Variants in MAPK15 observed in about 807,000 individuals in gnomAD.
The protein encoded by MAPK15 is ERK-7.
MAPK15 carries 61 observed loss-of-function variants against 60.8 expected under a neutral mutation model. The observed-to-expected ratio is 1.00, with a 90% confidence interval of 0.82 to 1.24. MAPK15 has a LOEUF of 1.24. MAPK15 is among the 50% of genes most tolerant of loss of function. The probability of loss-of-function intolerance (pLI) is 0.00; values close to 1 mark genes in which losing one functional copy is unlikely to be tolerated. For synonymous variants in MAPK15, 356 were observed against 319.9 expected (o/e 1.11, Z -1.21); for missense variants, 808 against 741.1 (o/e 1.09, Z -1.05).
Position 143,720,956 on chromosome 8 carries a change from T to C in MAPK15, c.918-44T>C. 7 of 1,582,580 alleles carry C rather than the reference T, an allele frequency of 4.4e-6. No individual in the cohort carries two copies. The highest frequency in any genetic ancestry group is 6.0e-6 in the Non-Finnish European group (7 of 1,163,962). ...ACCCTGCTGTGACGGCTTGAGGGGC[T>C]CCCTTGGCCGCAGCCCGGGCCCCAC... On this transcript the variant is annotated intron_variant, in intron 9 of 13. Transcript: ENST00000338033. This position sits in a 1 kb window ranked among gnomAD's most constrained non-coding sequence, Gnocchi z 4.6.
At position 143,721,042 on chromosome 8, in the gene MAPK15, G is replaced by C; in HGVS notation, c.960G>C (p.Val320=). Residue 320 remains valine, a synonymous_variant, in exon 10 of 14, where the codon GTG becomes GTC. Coordinates refer to ENST00000338033, the MANE Select transcript of MAPK15 (RefSeq NM_139021.3). The stretch of plus-strand genomic sequence containing the variant: ...ACGAGTGGGCACGAGAGGCAGATGT[G>C]CGGCCCCGGGCACACGAAGGGGTCC... ...PSDEWAREAD[V]RPRAHEGVQL... is the part of the protein sequence containing the mutation. 1 of 1,611,956 alleles carries C rather than the reference G, an allele frequency of 6.2e-7. No individual in the cohort carries two copies. Among genetic ancestry groups the C allele is most frequent in the Middle Eastern group, 1.7e-4 (1 of 6,052 alleles).
rs782712274 is a variant in MAPK15, at chr8:143,720,826, C to A, written c.903C>A (p.His301Gln). ...KRLSATQALQ[H>Q]PYVQRFHCPS... ...TAAGCGCGACCCAGGCACTGCAGCA[C>A]CCCTACGTGCAGAGGTGGGGGTGGG... Residue 301 changes from histidine (H) to glutamine (Q), a missense_variant, in exon 9 of 14, where the codon CAC becomes CAA. Physicochemically the swap from His to Gln is conservative, Grantham distance 24 (BLOSUM62 0). Transcript: ENST00000338033. This position sits in a 1 kb window ranked among gnomAD's most constrained non-coding sequence, Gnocchi z 4.6. 4 of 1,612,832 alleles carry A rather than the reference C, an allele frequency of 2.5e-6. No individual in the cohort carries two copies. The highest frequency in any genetic ancestry group is 1.7e-5 in the Admixed American group (1 of 59,990).
At position 143,718,058 on chromosome 8, in the gene MAPK15, G is replaced by A. The variant is rs1185506542; in HGVS notation, c.177G>A (p.Arg59=). 6.2e-7 allele frequency: 1 copy of A among 1,613,964 alleles called. No individual in the cohort carries two copies. The highest frequency in any genetic ancestry group is 8.5e-7 in the Non-Finnish European group (1 of 1,180,014). ...TTCTGTCTCTTCAGAGAACATTCCG[G>A]GAAATCACGCTCCTCCAGGTGAGTG... The part of the protein sequence containing the change: ...RDKTDAQRTF[R]EITLLQEFGD... Residue 59 remains arginine, a synonymous_variant, in exon 3 of 14, where the codon CGG becomes CGA. Coordinates refer to ENST00000338033, the MANE Select transcript of MAPK15 (RefSeq NM_139021.3).
At chr8:143,721,978 C>G in intron 13 of MAPK15, 97 bp from the exon 14 acceptor site, 1 of 1,524,626 alleles carries the variant, frequency 6.6e-7, no homozygotes, top group Non-Finnish European at 8.8e-7. Context: ...CCCATTGCCC[C>G]TCCAATGTCC....
Position 143,718,261 on chromosome 8 carries a change from C to A in MAPK15, c.245C>A (p.Ala82Glu). 6.2e-7 allele frequency: 1 copy of A among 1,614,166 alleles called. No homozygotes were observed. Among genetic ancestry groups the A allele is most frequent in the Non-Finnish European group, 8.5e-7 (1 of 1,180,026 alleles). ...ATCAGCCTCCTTGACGTGATCCGGGCAGAGAACGACAGGGACATTTACCTG... is the reference window on the plus strand; with the variant it reads ...ATCAGCCTCCTTGACGTGATCCGGGAAGAGAACGACAGGGACATTTACCTG... Reference protein sequence around the residue: ...NIISLLDVIRAENDRDIYLVF... With the variant: ...NIISLLDVIREENDRDIYLVF... The change falls in exon 4 of 14, where the codon GCA (alanine) becomes GAA (glutamate). Residue 82 changes from alanine to glutamate, a missense_variant. Physicochemically the swap from Ala to Glu is moderately radical, Grantham distance 107. Transcript: ENST00000338033.
chr8:143,718,737 C>CCCCCCCCCCCCCCCCCCCCCG, intron 4 of MAPK15, 38 bp from the exon 5 acceptor site: 1 of 975,034 alleles, frequency 1.0e-6, no homozygotes, highest in Non-Finnish European at 1.4e-6. Context: ...GCCCCCCCAG[C>CCCCCCCCCCCCCCCCCCCCCG]CCCCCACCCC....
In MAPK15 at chr8:143,721,784, C is replaced by A. The variant is rs1359786623; in HGVS notation, c.1362C>A (p.Ser454=). ...CAAGCGGGAGGGGAGCTGCGCCCTC[C>A]CTGACCTCCCAGGCTGCGGCTCAGG... The part of the protein sequence containing the change: ...VKPSGRGAAP[S]LTSQAAAQVA... Residue 454 remains serine, a synonymous_variant, in exon 13 of 14, where the codon TCC becomes TCA. Coordinates refer to ENST00000338033, the MANE Select transcript of MAPK15 (RefSeq NM_139021.3). The A allele has an allele frequency of 8.7e-6, 14 of 1,613,236 alleles. No individual in the cohort carries two copies. The highest frequency in any genetic ancestry group is 1.2e-5 in the Non-Finnish European group (14 of 1,179,858).
At chr8:143,719,299 T>G in intron 6 of MAPK15, 44 bp from the exon 7 acceptor site, 1 of 1,227,128 alleles carries the variant, frequency 8.1e-7, no homozygotes, top group Non-Finnish European at 1.2e-6. Context: ...CACCCCCACC[T>G]CTGCCTCTGG....
At position 143,720,047 on chromosome 8, in the gene MAPK15, G is replaced by T; in HGVS notation, c.722-183G>T. On this transcript the variant is annotated intron_variant, in intron 7 of 13. Coordinates refer to ENST00000338033, the MANE Select transcript of MAPK15 (RefSeq NM_139021.3). This position sits in a 1 kb window ranked among gnomAD's most constrained non-coding sequence, Gnocchi z 4.6. ...AGTGTGGAGCAGGGGTCATGTGCGG[G>T]TGCTCCCGTGCACAGGCTGGGTGGC... 1.2e-6 allele frequency: 1 copy of T among 804,836 alleles called. No homozygotes were observed. The highest frequency in any genetic ancestry group is 1.9e-6 in the Non-Finnish European group (1 of 515,728). 49.9% of individuals were successfully genotyped at this position (804,836 alleles called of 1,614,324 possible). A position where few individuals can be genotyped will look rare whatever the true frequency, so the allele number is the denominator to read the frequency against.
At chr8:143,716,577 A>AC in intron 1 of MAPK15, 134 bp downstream of exon 1, 1 of 746,006 alleles carries the variant, frequency 1.3e-6, no homozygotes, top group Non-Finnish European at 2.0e-6. Context: ...CGTAGGCGGG[A>AC]GAGGTGGTCT....
In MAPK15 at chr8:143,720,058, C is replaced by A; in HGVS notation, c.722-172C>A. 2 of 930,016 alleles carry A rather than the reference C, an allele frequency of 2.2e-6. No individual in the cohort carries two copies. Among genetic ancestry groups the A allele is most frequent in the Non-Finnish European group, 3.2e-6 (2 of 623,574 alleles). The allele number at this position is 930,016 out of a possible 1,614,324, so 57.6% of individuals were successfully genotyped here. ...GGGGTCATGTGCGGGTGCTCCCGTG[C>A]ACAGGCTGGGTGGCACGCCCTGGTG... On this transcript the variant is annotated intron_variant, in intron 7 of 13. Coordinates refer to ENST00000338033, the MANE Select transcript of MAPK15 (RefSeq NM_139021.3). This position sits in a 1 kb window ranked among gnomAD's most constrained non-coding sequence, Gnocchi z 4.6.
In MAPK15 at chr8:143,719,479, G is replaced by A. The variant is rs553319137; in HGVS notation, c.718G>A (p.Glu240Lys). 11 of 1,607,200 alleles carry A rather than the reference G, an allele frequency of 6.8e-6. No homozygotes were observed. Among genetic ancestry groups the A allele is most frequent in the African/African-American group, 2.7e-5 (2 of 74,716 alleles). ...ILETIPPPSEEDLLALGSGCR... is the reference protein window; with the variant it reads ...ILETIPPPSEKDLLALGSGCR... ...GGAGACCATCCCACCGCCATCTGAG[G>A]AGGGTGAGCCAGGCTGCTGGGGCTG... The change falls in exon 7 of 14, where the codon GAG (glutamate) becomes AAG (lysine). Residue 240 changes from glutamate to lysine, a missense_variant. Glu to Lys is a moderately conservative substitution (Grantham distance 56). Coordinates refer to ENST00000338033, the MANE Select transcript of MAPK15 (RefSeq NM_139021.3).
chr8:143,718,197 C>G lies in MAPK15; in HGVS notation c.196-15C>G. On this transcript the variant is annotated splice_polypyrimidine_tract_variant and intron_variant, in intron 3 of 13. Transcript: ENST00000338033. ...CCCCTCCTGGCCTTCCAGCCGCCTC[C>G]GACTCTCTCCCCAGGAGTTTGGGGA... is the stretch of plus-strand genomic sequence containing the variant. 6.2e-7 allele frequency: 1 copy of G among 1,613,982 alleles called. No homozygotes were observed. Among genetic ancestry groups the G allele is most frequent in the Non-Finnish European group, 8.5e-7 (1 of 1,179,856 alleles).
In MAPK15 at chr8:143,718,137, G is replaced by A. The variant is rs540839720; in HGVS notation, c.195+61G>A. On this transcript the variant is annotated intron_variant, in intron 3 of 13. Transcript: ENST00000338033. ...CCCAGGTACAGATCTCTCCAGACAG[G>A]AGAGAAACTGGCCTTCTTGGGCCCC... is the stretch of plus-strand genomic sequence containing the variant. 2.5e-6 allele frequency: 4 copies of A among 1,613,724 alleles called. No individual in the cohort carries two copies. In the African/African-American group the frequency reaches 4.0e-5, roughly 16 times the overall value.
Position 143,721,243 on chromosome 8 carries a change from T to C in MAPK15, c.1036T>C (p.Cys346Arg), listed in dbSNP as rs781818035. The C allele has an allele frequency of 2.5e-6, 4 of 1,608,990 alleles. No individual in the cohort carries two copies. The highest frequency in any genetic ancestry group is 3.4e-5 in the Admixed American group (2 of 59,558). The change falls in exon 11 of 14, where the codon TGT (cysteine) becomes CGT (arginine). Residue 346 changes from cysteine to arginine, a missense_variant. Cys to Arg is a radical substitution (Grantham distance 180). Transcript: ENST00000338033. ...RSRVYQMILE[C>R]GGSSGTSREK... ...TCCCCTCCCGCAGATGATCCTGGAG[T>C]GTGGAGGCAGCAGCGGCACCTCGAG...
chr8:143,718,368 C>T, intron 4 of MAPK15, 66 bp downstream of exon 4: 1 of 1,449,020 alleles, frequency 6.9e-7, no homozygotes, highest in Non-Finnish European at 9.7e-7. Flanking sequence ...TCTGCGGGTC[C>T]CTCTGCGTGT....
intron 4 of MAPK15, 45 bp from the exon 5 acceptor site, chr8:143,718,730 C>T: frequency 2.0e-6 from 1 of 502,314 alleles, no homozygotes. Context: ...CCAGGTTGCC[C>T]CCCCAGCCCC....
At position 143,721,438 on chromosome 8, in the gene MAPK15, G is replaced by A. The variant is rs201658780; in HGVS notation, c.1204+27G>A. On this transcript the variant is annotated intron_variant, in intron 11 of 13. Coordinates refer to ENST00000338033, the MANE Select transcript of MAPK15 (RefSeq NM_139021.3). Reference sequence around the variant, plus strand: ...TGTGTGATCTTTGCTGGCCGCCCACGCGGAGCACGGCCCGGGCCCCTTCTG... The same window carrying A: ...TGTGTGATCTTTGCTGGCCGCCCACACGGAGCACGGCCCGGGCCCCTTCTG... 4.2e-4 allele frequency: 679 copies of A among 1,608,500 alleles called. 2 individuals carry two copies. The highest frequency in any genetic ancestry group is 4.9e-4 in the Non-Finnish European group (574 of 1,177,138).
chr8:143,718,497 G>C, intron 4 of MAPK15, 195 bp downstream of exon 4: 1 of 652,510 alleles, frequency 1.5e-6, no homozygotes. Flanking sequence ...GACCCCTTTC[G>C]TCCCACCTGC....
Sources: gnomAD v4.1 joint callset for allele counts on GRCh38, gnomAD v4.1.1 for gene constraint, Gnocchi (gnomAD v3.1) non-coding constraint, MANE v1.5 for transcripts, NCBI Gene and HGNC (gene_info 2026-07-23, HGNC 2026-07-21) for gene names.